CSRNP3: variants seen among roughly 807,000 people sequenced by gnomAD.
The protein encoded by CSRNP3 is cysteine/serine-rich nuclear protein 3.
A neutral mutation model predicts 48.0 loss-of-function variants in CSRNP3; 12 were observed. The ratio of observed to expected loss-of-function variants is 0.25; its 90% CI spans 0.16 to 0.41. The LOEUF (loss-of-function observed/expected upper bound fraction) is 0.41, where lower values mean the gene tolerates loss of function less well. CSRNP3 is among the 10% of genes least tolerant of loss of function. The probability of loss-of-function intolerance (pLI) is 1.00; values close to 1 mark genes in which losing one functional copy is unlikely to be tolerated. For synonymous variants in CSRNP3, 263 were observed against 269.7 expected (o/e 0.98, Z 0.24); for missense variants, 580 against 724.4 (o/e 0.80, Z 2.29).
chr2:165,585,804 GTGGAAGA>G (rs1469177192), intron 3 of CSRNP3, among the ~76,000 whole-genome samples: 1 of 152,144 alleles, frequency 6.6e-6, no homozygotes, highest in African/African-American at 2.4e-5. Context: ...AATTACAAAG[GTGGAAGA>G]ATCTTTGTTA....
intron 3 of CSRNP3, among the ~76,000 whole-genome samples, chr2:165,559,962 A>G (rs955413615): frequency 3.3e-5 from 5 of 151,472 alleles, no homozygotes; most frequent in Admixed American, 3.3e-4. Flanking sequence ...ACCAAGCCCG[A>G]CTAATTTTTT....
rs1251926386 is a variant in CSRNP3 at position 165,506,001 on chromosome 2, G to T, written c.-113+11073G>T. 2.6e-5 allele frequency among the ~76,000 whole-genome samples: 4 copies of T among 152,098 alleles called. No homozygotes were observed. The East Asian group carries it at 5.8e-4, about 22-fold the overall frequency. ...TAGCTCATGTAATCGAGATAGTCAGGAGTAGTCACATTAGGCCAAAATGGA... is the reference window on the plus strand; with the variant it reads ...TAGCTCATGTAATCGAGATAGTCAGTAGTAGTCACATTAGGCCAAAATGGA... On this transcript the variant is annotated intron_variant, in intron 2 of 6. Coordinates refer to ENST00000651982, the MANE Select transcript of CSRNP3 (RefSeq NM_001172173.2).
At chr2:165,651,694 C>T (rs1263484441) in intron 4 of CSRNP3, among the ~76,000 whole-genome samples, 1 of 135,530 alleles carries the variant, frequency 7.4e-6, no homozygotes, top group African/African-American at 2.8e-5. Flanking sequence ...TTTGCTCTGT[C>T]GCCCAGGCTG....
chr2:165,641,927 C>A (rs778114576), intron 4 of CSRNP3, among the ~76,000 whole-genome samples: 1 of 152,108 alleles, frequency 6.6e-6, no homozygotes, highest in African/African-American at 2.4e-5. Context: ...AGAGGGGAAA[C>A]AAACCTCTTT....
At chr2:165,532,321 G>T (rs1684824747) in intron 3 of CSRNP3, among the ~76,000 whole-genome samples, 1 of 152,028 alleles carries the variant, frequency 6.6e-6, no homozygotes, top group South Asian at 2.1e-4. Context: ...TAAAATACTG[G>T]CAAACCGAAT....
At chr2:165,568,659 C>G (rs1478097920) in intron 3 of CSRNP3, among the ~76,000 whole-genome samples, 3 of 152,208 alleles carry the variant, frequency 2.0e-5, no homozygotes, top group Admixed American at 2.0e-4. Context: ...CAGAGCATCA[C>G]TGCTGCAGCC....
intron 3 of CSRNP3, among the ~76,000 whole-genome samples, chr2:165,562,055 A>G (rs1306761066): frequency 6.6e-6 from 1 of 152,164 alleles, no homozygotes; most frequent in East Asian, 1.9e-4. Flanking sequence ...CAGAAGTAGT[A>G]TTATGTATTT....
intron 4 of CSRNP3, among the ~76,000 whole-genome samples, chr2:165,596,135 A>ATTTTTTTTTTTT (rs11317294): frequency 8.3e-6 from 1 of 120,518 alleles, no homozygotes. Flanking sequence ...TTTCTTTTTG[A>ATTTTTTTTTTTT]TTTTTTTTTT....
chr2:165,616,909 G>C (rs1331577622), intron 4 of CSRNP3, among the ~76,000 whole-genome samples: 2 of 151,926 alleles, frequency 1.3e-5, no homozygotes, highest in Non-Finnish European at 2.9e-5. Flanking sequence ...CTATCTTCAA[G>C]TTTAGAAATT....
intron 3 of CSRNP3, among the ~76,000 whole-genome samples, chr2:165,544,853 G>C (rs1221797072): frequency 1.3e-5 from 2 of 151,980 alleles, no homozygotes; most frequent in African/African-American, 4.8e-5. Context: ...GAGACTGTAA[G>C]ATCACAAAAA....
intron 3 of CSRNP3, among the ~76,000 whole-genome samples, chr2:165,588,013 C>T (rs1685659206): frequency 6.6e-6 from 1 of 152,142 alleles, no homozygotes. Flanking sequence ...GCACTTGAAA[C>T]ATTTGTAAAG....
chr2:165,583,024 A>G (rs1163601524), intron 3 of CSRNP3, among the ~76,000 whole-genome samples: 1 of 152,212 alleles, frequency 6.6e-6, no homozygotes, highest in Non-Finnish European at 1.5e-5. Context: ...GGACAAGTGA[A>G]GTACATTTGG....
intron 4 of CSRNP3, among the ~76,000 whole-genome samples, chr2:165,616,927 C>A (rs1686255723): frequency 6.6e-6 from 1 of 151,972 alleles, no homozygotes; most frequent in Non-Finnish European, 1.5e-5. Context: ...ATTCTTACTT[C>A]TGCTTGAGCT....
intron 1 of CSRNP3, among the ~76,000 whole-genome samples, chr2:165,485,765 T>C (rs904209424): frequency 6.6e-6 from 1 of 152,232 alleles, no homozygotes; most frequent in Non-Finnish European, 1.5e-5. Context: ...CTTTTCTCTA[T>C]TGAATTAAAA....
intron 5 of CSRNP3, among the ~76,000 whole-genome samples, chr2:165,661,245 A>G (rs762604543): frequency 6.6e-6 from 1 of 152,196 alleles, no homozygotes; most frequent in Non-Finnish European, 1.5e-5. Context: ...ATGCCCCTCA[A>G]TTTGCAGTGG....
chr2:165,484,773 T>C (rs544865509), intron 1 of CSRNP3, among the ~76,000 whole-genome samples: 2 of 152,340 alleles, frequency 1.3e-5, no homozygotes, highest in Non-Finnish European at 1.5e-5. Context: ...TTTCTCTGTA[T>C]AATCCTGCTT....
intron 3 of CSRNP3, among the ~76,000 whole-genome samples, chr2:165,586,994 T>C (rs541469896): frequency 5.9e-5 from 9 of 152,326 alleles, no homozygotes; most frequent in Admixed American, 5.9e-4. Flanking sequence ...CAGAAATATA[T>C]TAAATGAAAC....
chr2:165,500,086 C>G (rs1236555103), intron 2 of CSRNP3, among the ~76,000 whole-genome samples: 3 of 149,858 alleles, frequency 2.0e-5, no homozygotes, highest in African/African-American at 7.3e-5. Context: ...AACTCAAACT[C>G]AATTGAAACA....
At chr2:165,578,087 G>C (rs939594663) in intron 3 of CSRNP3, among the ~76,000 whole-genome samples, 1 of 151,934 alleles carries the variant, frequency 6.6e-6, no homozygotes, top group African/African-American at 2.4e-5. Flanking sequence ...GGAAAATGAG[G>C]AGTCTCTAAC....
Sources: allele counts gnomAD v4.1 joint callset (sites outside exome capture counted in the v4.1 genomes callset), GRCh38; gene constraint gnomAD v4.1.1; transcripts MANE v1.5; gene names NCBI Gene and HGNC (gene_info 2026-07-23, HGNC 2026-07-21).